USP13: variants seen among roughly 807,000 people sequenced by gnomAD.
The protein encoded by USP13 is ubiquitin carboxyl-terminal hydrolase 13.
USP13 carries 68 observed loss-of-function variants against 107.8 expected under a neutral mutation model. The observed-to-expected ratio is 0.63, with a 90% CI of 0.52 to 0.77. USP13 has a LOEUF of 0.77. Ranked by LOEUF, USP13 falls within the 30% of genes least tolerant of loss-of-function variation. The pLI, the probability that USP13 is intolerant of heterozygous loss-of-function variation, is 0.00. For missense variants in USP13, 945 were observed against 1,093.3 expected (o/e 0.86, Z 1.91); for synonymous variants, 377 against 389.5 (o/e 0.97, Z 0.38).
At chr3:179,727,261 A>C (rs1469482102) in intron 8 of USP13, among the ~76,000 whole-genome samples, 2 of 138,784 alleles carry the variant, frequency 1.4e-5, no homozygotes, top group African/African-American at 2.7e-5. Flanking sequence ...GAAGGTCAGC[A>C]GATAAACAAG....
chr3:179,744,624 A>G (rs1457359920), intron 12 of USP13, among the ~76,000 whole-genome samples: 1 of 152,192 alleles, frequency 6.6e-6, no homozygotes, highest in Non-Finnish European at 1.5e-5. Context: ...GGAAGACGTG[A>G]GCCCTTGGAC....
At chr3:179,750,326 G>GTGTGTGTGTATATATATATATA in intron 13 of USP13, among the ~76,000 whole-genome samples, 1 of 75,852 alleles carries the variant, frequency 1.3e-5, no homozygotes, top group Middle Eastern at 7.0e-3. Context: ...ATATATGTGT[G>GTGTGTGTGTATATATATATATA]TATATATATA....
intron 19 of USP13, among the ~76,000 whole-genome samples, chr3:179,778,101 TC>T (rs1715610381): frequency 6.6e-6 from 1 of 152,180 alleles, no homozygotes; most frequent in African/African-American, 2.4e-5. Context: ...TCTTTTTTTT[TC>T]AGTTGATGTG....
rs1711557621 is a variant in USP13, at chr3:179,678,992, T to G, written c.169-2886T>G. Among the ~76,000 whole-genome samples the G allele has an allele frequency of 6.6e-6, 1 of 152,192 alleles. No individual in the cohort carries two copies. The highest frequency in any genetic ancestry group is 2.4e-5 in the African/African-American group (1 of 41,440). On this transcript the variant is annotated intron_variant, in intron 1 of 20. Transcript: ENST00000263966. The surrounding 1 kb of genome is among the most constrained non-coding windows in gnomAD (Gnocchi z 4.2). ...TTTATACCTTTTATTTATTTATTTA[T>G]TTAGTTTGCTTATTGCAATGTATAT... is the stretch of plus-strand genomic sequence containing the variant.
At chr3:179,711,652 G>A (rs1358347379) in intron 6 of USP13, among the ~76,000 whole-genome samples, 14 of 152,064 alleles carry the variant, frequency 9.2e-5, no homozygotes, top group Non-Finnish European at 2.1e-4. Context: ...CGGTATCACT[G>A]TCTTCCACCT....
intron 4 of USP13, among the ~76,000 whole-genome samples, chr3:179,702,100 A>G (rs1324508212): frequency 6.6e-6 from 1 of 151,786 alleles, no homozygotes; most frequent in East Asian, 1.9e-4. Flanking sequence ...GCTCACTGCA[A>G]GCTCCACCTC....
intron 8 of USP13, among the ~76,000 whole-genome samples, chr3:179,728,271 A>G (rs28694896): frequency 0.41 from 57,437 of 141,012 alleles, 13,853 homozygotes; most frequent in Non-Finnish European, 0.53. Context: ...CAGACGGGGC[A>G]GTTGCCGGGC....
intron 15 of USP13, 89 bp from the exon 16 acceptor site, chr3:179,756,963 G>A (rs1223930848): frequency 7.0e-7 from 1 of 1,423,580 alleles, no homozygotes; most frequent in Non-Finnish European, 9.9e-7. Context: ...GGAGGGCATT[G>A]GAAATGCCCT....
At chr3:179,691,260 C>T (rs1306381910) in intron 3 of USP13, among the ~76,000 whole-genome samples, 8 of 151,896 alleles carry the variant, frequency 5.3e-5, no homozygotes, top group Admixed American at 2.6e-4. Flanking sequence ...ATTTTTCTCC[C>T]GCTCATGTCC....
intron 19 of USP13, among the ~76,000 whole-genome samples, chr3:179,774,549 C>T (rs1252296279): frequency 2.0e-5 from 3 of 151,842 alleles, no homozygotes; most frequent in Admixed American, 2.0e-4. Context: ...CGGAGTTGCT[C>T]ATTCCTCCCT....
intron 19 of USP13, among the ~76,000 whole-genome samples, chr3:179,777,003 T>C (rs370319133): frequency 6.4e-4 from 97 of 152,208 alleles, no homozygotes; most frequent in African/African-American, 2.2e-3. Flanking sequence ...GTTTAGTTTT[T>C]GAAAATGGGT....
intron 15 of USP13, 78 bp downstream of exon 15, chr3:179,754,932 T>C: frequency 6.7e-7 from 1 of 1,487,754 alleles, no homozygotes; most frequent in Non-Finnish European, 9.0e-7. Flanking sequence ...TCCACCACTG[T>C]GTTGCTGCTA....
chr3:179,734,714 GGCCTGGGTTAAACACTT>G (rs1271108122), intron 10 of USP13, among the ~76,000 whole-genome samples: 20 of 152,190 alleles, frequency 1.3e-4, no homozygotes, highest in Non-Finnish European at 5.9e-5. Context: ...TTGGGGTTTG[GGCCTGGGTTAAACACTT>G]ACTGGTTCAA....
At chr3:179,691,572 T>C (rs1712119846) in intron 3 of USP13, among the ~76,000 whole-genome samples, 1 of 152,212 alleles carries the variant, frequency 6.6e-6, no homozygotes, top group African/African-American at 2.4e-5. Context: ...GTCATACTGG[T>C]CATGCTGAAC....
intron 1 of USP13, among the ~76,000 whole-genome samples, chr3:179,680,173 A>AACAACAACAAC (rs1711596867): frequency 6.7e-6 from 1 of 150,190 alleles, no homozygotes; most frequent in Non-Finnish European, 1.5e-5. Context: ...ACGCTGTTGA[A>AACAACAACAAC]AACAACAACA....
rs79525756 is a variant in USP13, at chr3:179,740,157, G to A, written c.1255-90G>A. 1,600 of 1,550,686 alleles carry A rather than the reference G, an allele frequency of 1.0e-3. 23 individuals are homozygous for A. In the African/African-American group the frequency reaches 0.02, roughly 20 times the overall value. ...GCTGTAGTTTTCTCATCTGGAAAGT[G>A]GAGTTTATGGTGGGTTCTGCTCTGC... On this transcript the variant is annotated intron_variant, in intron 10 of 20. Transcript: ENST00000263966.
chr3:179,753,210 G>T (rs1022308898), intron 14 of USP13, among the ~76,000 whole-genome samples: 1 of 152,176 alleles, frequency 6.6e-6, no homozygotes, highest in Non-Finnish European at 1.5e-5. Context: ...CGTCTGAAGG[G>T]GATAGGTAAA....
At chr3:179,683,322 G>A (rs897459080) in intron 2 of USP13, among the ~76,000 whole-genome samples, 10 of 152,106 alleles carry the variant, frequency 6.6e-5, no homozygotes, top group East Asian at 1.9e-4. Context: ...ACTTTTTGTC[G>A]TATGAGTTGT....
At chr3:179,750,089 A>G (rs186683730) in intron 13 of USP13, among the ~76,000 whole-genome samples, 3 of 151,814 alleles carry the variant, frequency 2.0e-5, no homozygotes, top group Admixed American at 2.0e-4. Flanking sequence ...ACATGGTGAA[A>G]CCCCATCTCT....
Sources: allele counts gnomAD v4.1 joint callset (sites outside exome capture counted in the v4.1 genomes callset), GRCh38; gene constraint gnomAD v4.1.1; non-coding constraint Gnocchi (gnomAD v3.1); transcripts MANE v1.5; gene names NCBI Gene and HGNC (gene_info 2026-07-23, HGNC 2026-07-21).